The following PCNX3 variants were observed in gnomAD, a reference collection of about 807,000 sequenced individuals.
PCNX3 encodes pecanex-like protein 3.
A neutral mutation model predicts 207.2 loss-of-function variants in PCNX3; 58 were observed. The ratio of observed to expected loss-of-function variants is 0.28; its 90% CI spans 0.23 to 0.35. The LOEUF is 0.35. PCNX3 is among the 10% of genes least tolerant of loss of function. The pLI is 1.00. For missense variants in PCNX3, 2,410 were observed against 2,774.4 expected (o/e 0.87, Z 2.95); for synonymous variants, 1,337 against 1,183.5 (o/e 1.13, Z -2.66).
Position 65,636,803 on chromosome 11 carries a change from T to TCAGCCC in PCNX3, c.5932_5937dup (p.Ser1978_Pro1979dup). On this transcript the variant is annotated inframe_insertion, in exon 35 of 35. Transcript: ENST00000355703. ...CTCAGCCTCAGCCTCAGCCTCAGCC[T>TCAGCCC]CAGCCCCGATGTCAGCACTGAGGCC... The TCAGCCC allele has an allele frequency of 6.6e-7, 1 of 1,521,842 alleles. No individual in the cohort carries two copies. The highest frequency in any genetic ancestry group is 2.5e-5 in the East Asian group (1 of 39,716). The allele number at this position is 1,521,842 out of a possible 1,614,324, so 94.3% of individuals were successfully genotyped here.
At chr11:65,631,640 C>G (rs1199790287) in intron 27 of PCNX3, among the ~76,000 whole-genome samples, 1 of 151,432 alleles carries the variant, frequency 6.6e-6, no homozygotes, top group African/African-American at 2.4e-5. Context: ...GCCTGGGCAA[C>G]AGAGCAAGAC....
intron 20 of PCNX3, chr11:65,626,384 G>C (rs2135449614): frequency 2.0e-6 from 1 of 511,166 alleles, no homozygotes; most frequent in East Asian, 4.5e-5. Flanking sequence ...CAGTGGACCA[G>C]AGCTGCCTGG....
At position 65,625,799 on chromosome 11, in the gene PCNX3, A is replaced by T; in HGVS notation, c.3228+55A>T. The T allele has an allele frequency of 6.9e-6, 11 of 1,597,236 alleles. No individual in the cohort carries two copies. In the South Asian group the frequency reaches 1.0e-4, roughly 15 times the overall value. ...TCGCTGTCTTGGCGGGAGCCTGCTC[A>T]ATCTGAGTGCCGTGGGCAGCCCCTC... On this transcript the variant is annotated intron_variant, in intron 19 of 34. Transcript: ENST00000355703. This position sits in a 1 kb window ranked among gnomAD's most constrained non-coding sequence, Gnocchi z 5.6.
In PCNX3 at chr11:65,619,050, A is replaced by G; in HGVS notation, c.1688A>G (p.Glu563Gly). ...GGCTGGCGGGGGGAGCTGCAGGAGG[A>G]AGGTGCTGTGGGGGGAGGTGAGTGC... ...QPGWRGELQE[E>G]GAVGGAAEET... The change falls in exon 6 of 35, where the codon GAA becomes GGA. Residue 563 changes from glutamate to glycine, a missense_variant. Glu to Gly is a moderately conservative substitution (Grantham distance 98). Transcript: ENST00000355703. The G allele has an allele frequency of 6.3e-7, 1 of 1,591,090 alleles. No individual in the cohort carries two copies. The highest frequency in any genetic ancestry group is 8.5e-7 in the Non-Finnish European group (1 of 1,176,654).
chr11:65,626,633 ACG>A, intron 20 of PCNX3: 1 of 516,024 alleles, frequency 1.9e-6, no homozygotes, highest in South Asian at 2.0e-5. Flanking sequence ...AGCCTGCTGT[ACG>A]TAGGTGTTTG....
Position 65,636,257 on chromosome 11 carries a change from C to T in PCNX3, c.5543C>T (p.Ser1848Phe). ...TGTAGTGGGGGCGGTGGCCTGACCT[C>T]CCTCAGCAATAACCCCCCCGTGGCA... ...SDCSGGGGLT[S>F]LSNNPPVAHP... The change falls in exon 33 of 35, where the codon TCC becomes TTC. Residue 1848 changes from serine to phenylalanine, a missense_variant. Physicochemically the swap from Ser to Phe is radical, Grantham distance 155. Coordinates refer to ENST00000355703, the MANE Select transcript of PCNX3 (RefSeq NM_032223.4). 6.3e-7 allele frequency: 1 copy of T among 1,593,628 alleles called. No homozygotes were observed. Among genetic ancestry groups the T allele is most frequent in the South Asian group, 1.1e-5 (1 of 88,474 alleles).
In PCNX3 at chr11:65,625,499, C is replaced by T. The variant is rs761452257; in HGVS notation, c.3124C>T (p.Arg1042Cys). The T allele has an allele frequency of 1.2e-5, 19 of 1,601,688 alleles. No individual in the cohort carries two copies. Among genetic ancestry groups the T allele is most frequent in the South Asian group, 3.3e-5 (3 of 90,932 alleles). Residue 1042 changes from arginine (R) to cysteine (C), a missense_variant, in exon 18 of 35, where the codon CGC (arginine) becomes TGC (cysteine). Transcript: ENST00000355703. The surrounding 1 kb of genome is among the most constrained non-coding windows in gnomAD (Gnocchi z 5.6). ...CCCGGACCCCTTGCCGGACAAGATGCGCCAGTCGGTGGTGAGGGGGCGGGG... is the reference window on the plus strand; with the variant it reads ...CCCGGACCCCTTGCCGGACAAGATGTGCCAGTCGGTGGTGAGGGGGCGGGG... ...EPPDPLPDKM[R>C]QSVREVLHSD...
Position 65,622,280 on chromosome 11 carries a change from C to A in PCNX3, c.2271C>A (p.Ala757=). 1 of 1,601,804 alleles carries A rather than the reference C, an allele frequency of 6.2e-7. No individual in the cohort carries two copies. The change falls in exon 11 of 35, where the codon GCC becomes GCA. Residue 757 remains alanine, a synonymous_variant. Transcript: ENST00000355703. ...QTLMEEAPPR[A]QHSYKYWLLP... ...TGATGGAAGAAGCGCCACCCCGGGCCCAGCATAGTTACAAGTACTGGCTTC... is the reference window on the plus strand; with the variant it reads ...TGATGGAAGAAGCGCCACCCCGGGCACAGCATAGTTACAAGTACTGGCTTC...
chr11:65,624,874 G>GGT (rs1452848325), intron 15 of PCNX3, 51 bp from the exon 16 acceptor site: 6 of 1,540,300 alleles, frequency 3.9e-6, no homozygotes, highest in Middle Eastern at 3.4e-4. Context: ...CTAGGGTTGA[G>GGT]GTGGGGTACC....
In PCNX3 at chr11:65,619,892, C is replaced by T; in HGVS notation, c.1968C>T (p.Asp656=). The change falls in exon 8 of 35, where the codon GAC becomes GAT. Residue 656 remains aspartate (D), a synonymous_variant. Coordinates refer to ENST00000355703, the MANE Select transcript of PCNX3 (RefSeq NM_032223.4). ...TGCATGAGGCCTGCACCTTTGATGA[C>T]ACTTCTGAGGGTGCTGTGCACTATT... is the stretch of plus-strand genomic sequence containing the variant. ...ANVHEACTFD[D]TSEGAVHYFY... 6.2e-7 allele frequency: 1 copy of T among 1,611,882 alleles called. No individual in the cohort carries two copies. The highest frequency in any genetic ancestry group is 8.5e-7 in the Non-Finnish European group (1 of 1,179,460).
In PCNX3 at chr11:65,635,127, G is replaced by A; in HGVS notation, c.4953+7G>A. The A allele has an allele frequency of 1.2e-6, 2 of 1,612,556 alleles. No homozygotes were observed. Among genetic ancestry groups the A allele is most frequent in the Non-Finnish European group, 1.7e-6 (2 of 1,179,104 alleles). On this transcript the variant is annotated splice_region_variant and intron_variant, in intron 30 of 34. Transcript: ENST00000355703. The surrounding 1 kb of genome is among the most constrained non-coding windows in gnomAD (Gnocchi z 9.9). ...GGCCCTCAAGCTTCACCAGGTTGGG[G>A]AGGGGTGTGCCCAGCAGCATGGGCA...
rs748745194 is a variant in PCNX3 at position 65,617,241 on chromosome 11, C to G, written c.342-9C>G. On this transcript the variant is annotated splice_polypyrimidine_tract_variant and intron_variant, in intron 2 of 34. Coordinates refer to ENST00000355703, the MANE Select transcript of PCNX3 (RefSeq NM_032223.4). ...TTAGCTCAAAGCTGCTGCTCTTTTT[C>G]ACCGCCAGGGACCCCGGAGTGGAGA... The G allele has an allele frequency of 1.9e-6, 3 of 1,594,302 alleles. No homozygotes were observed. In the Admixed American group the frequency reaches 5.3e-5, roughly 28 times the overall value.
rs554895411 is a variant in PCNX3 at position 65,624,255 on chromosome 11, A to G, written c.2605A>G (p.Ile869Val). ...CTACTTCTGCATCTGCTGTCTGCTC[A>G]TCTGGCTGCTGGACGCCCTGGGCTC... ...PVYFCICCLL[I>V]WLLDALGSAQ... Residue 869 changes from isoleucine to valine, a missense_variant, in exon 14 of 35, where the codon ATC (isoleucine) becomes GTC (valine). By Grantham distance (29) the Ile-to-Val change is conservative (BLOSUM62 3). Coordinates refer to ENST00000355703, the MANE Select transcript of PCNX3 (RefSeq NM_032223.4). 26 of 1,606,208 alleles carry G rather than the reference A, an allele frequency of 1.6e-5. No individual in the cohort carries two copies. Among genetic ancestry groups the G allele is most frequent in the Non-Finnish European group, 2.0e-5 (24 of 1,176,480 alleles).
chr11:65,620,017 G>A, intron 8 of PCNX3, 85 bp downstream of exon 8: 1 of 1,387,046 alleles, frequency 7.2e-7, no homozygotes, highest in South Asian at 1.4e-5. Context: ...TGCTCGCTCG[G>A]CCCTGTGGCA....
Position 65,637,241 on chromosome 11 carries a change from T to G in PCNX3, c.*263T>G, listed in dbSNP as rs1025515115. The G allele has an allele frequency of 3.9e-6, 2 of 519,204 alleles. No homozygotes were observed. The highest frequency in any genetic ancestry group is 6.9e-6 in the Non-Finnish European group (2 of 288,004). 32.2% of individuals were successfully genotyped at this position (519,204 alleles called of 1,614,324 possible). ...AGGCCCTAAGAGCCAAACCATGGGCTGGTCCCACTTGGAGCCTGTGGCCAG... is the reference window on the plus strand; with the variant it reads ...AGGCCCTAAGAGCCAAACCATGGGCGGGTCCCACTTGGAGCCTGTGGCCAG... On this transcript the variant is annotated 3_prime_UTR_variant, in exon 35 of 35. Coordinates refer to ENST00000355703, the MANE Select transcript of PCNX3 (RefSeq NM_032223.4).
chr11:65,635,132 G>T lies in PCNX3; in HGVS notation c.4953+12G>T, dbSNP rs1364822353. ...TCAAGCTTCACCAGGTTGGGGAGGG[G>T]TGTGCCCAGCAGCATGGGCAGGTGG... On this transcript the variant is annotated intron_variant, in intron 30 of 34. Transcript: ENST00000355703. This position sits in a 1 kb window ranked among gnomAD's most constrained non-coding sequence, Gnocchi z 9.9. 2.5e-6 allele frequency: 4 copies of T among 1,611,904 alleles called. No individual in the cohort carries two copies. Among genetic ancestry groups the T allele is most frequent in the Non-Finnish European group, 2.5e-6 (3 of 1,178,766 alleles).
At chr11:65,634,419 T>C (rs1855741854) in intron 28 of PCNX3, 63 bp downstream of exon 28, 1 of 1,508,848 alleles carries the variant, frequency 6.6e-7, no homozygotes, top group African/African-American at 1.4e-5. Context: ...CCTGCTCCCC[T>C]TCTCCCCATT....
Position 65,624,247 on chromosome 11 carries a change from G to T in PCNX3, c.2597G>T (p.Cys866Phe). 2 of 1,607,480 alleles carry T rather than the reference G, an allele frequency of 1.2e-6. No homozygotes were observed. The highest frequency in any genetic ancestry group is 1.7e-6 in the Non-Finnish European group (2 of 1,177,072). The change falls in exon 14 of 35, where the codon TGT becomes TTT. Residue 866 changes from cysteine to phenylalanine, a missense_variant. This residue lies in a region of PCNX3 where 177 missense variants were observed against 257.5 expected (regional missense o/e 0.69). Coordinates refer to ENST00000355703, the MANE Select transcript of PCNX3 (RefSeq NM_032223.4). ...CGTCCTGTCTACTTCTGCATCTGCT[G>T]TCTGCTCATCTGGCTGCTGGACGCC... is the stretch of plus-strand genomic sequence containing the variant. Reference protein sequence around the residue: ...YSRPVYFCICCLLIWLLDALG... With the variant: ...YSRPVYFCICFLLIWLLDALG...
chr11:65,618,179 C>T lies in PCNX3; in HGVS notation c.817C>T (p.Arg273Cys), dbSNP rs749965906. The T allele has an allele frequency of 6.9e-6, 11 of 1,603,770 alleles. No individual in the cohort carries two copies. The highest frequency in any genetic ancestry group is 2.2e-5 in the East Asian group (1 of 44,698). The change falls in exon 6 of 35, where the codon CGC (arginine) becomes TGC (cysteine). Residue 273 changes from arginine (R) to cysteine (C), a missense_variant. By Grantham distance (180) the Arg-to-Cys change is radical. Coordinates refer to ENST00000355703, the MANE Select transcript of PCNX3 (RefSeq NM_032223.4). ...LVRTSSRREQ[R>C]RGAGGYQPLD... ...GAGGACCAGCAGTCGACGGGAACAA[C>T]GCAGGGGGGCAGGTGGCTATCAGCC...
Sources: allele counts gnomAD v4.1 joint callset (sites outside exome capture counted in the v4.1 genomes callset), GRCh38; gene constraint gnomAD v4.1.1; regional missense constraint gnomAD v4.1.1; non-coding constraint Gnocchi (gnomAD v3.1); transcripts MANE v1.5; gene names NCBI Gene and HGNC (gene_info 2026-07-23, HGNC 2026-07-21).